The following LRBA variants were observed in gnomAD, a reference collection of about 807,000 sequenced individuals.
The protein encoded by LRBA is LPS responsive beige-like anchor protein, also known as lipopolysaccharide-responsive and beige-like anchor protein.
Under a neutral mutation model 330.0 loss-of-function variants are expected in LRBA, and 176 were observed. The ratio of observed to expected loss-of-function variants is 0.53; its 90% CI spans 0.47 to 0.60. LRBA has a LOEUF of 0.60. LRBA is among the 20% of genes least tolerant of loss of function. The pLI is 0.00. For missense variants in LRBA, 3,259 were observed against 3,444.8 expected (o/e 0.95, Z 1.35); for synonymous variants, 1,230 against 1,193.0 (o/e 1.03, Z -0.64).
At position 150,595,181 on chromosome 4, in the gene LRBA, A is replaced by G. The variant is rs534341988; in HGVS notation, c.6046+3826T>C. Reference sequence around the variant, plus strand: ...CTATTGTTCTAATTGATTCCCCTCTATAGTTTATGCCATGTCCATAGCATT... The same window carrying G: ...CTATTGTTCTAATTGATTCCCCTCTGTAGTTTATGCCATGTCCATAGCATT... On this transcript the variant is annotated intron_variant, in intron 38 of 56. Coordinates refer to ENST00000651943, the MANE Select transcript of LRBA (RefSeq NM_001364905.1). 2.0e-5 allele frequency among the ~76,000 whole-genome samples: 3 copies of G among 151,412 alleles called. No homozygotes were observed. In the South Asian group the frequency reaches 6.3e-4, roughly 32 times the overall value.
chr4:150,571,649 G>GTCTTT (rs1769856159), intron 40 of LRBA, among the ~76,000 whole-genome samples: 1 of 74,592 alleles, frequency 1.3e-5, no homozygotes, highest in African/African-American at 4.5e-5. Context: ...CTGGTTAGTT[G>GTCTTT]TTTTTTTTTT....
intron 37 of LRBA, among the ~76,000 whole-genome samples, chr4:150,664,301 G>A (rs1232374742): frequency 1.3e-5 from 2 of 152,188 alleles, no homozygotes; most frequent in Non-Finnish European, 2.9e-5. Flanking sequence ...ATAAACAATG[G>A]AAAGCTGTTC....
At chr4:150,750,689 TC>T (rs1446480493) in intron 35 of LRBA, among the ~76,000 whole-genome samples, 5 of 152,026 alleles carry the variant, frequency 3.3e-5, no homozygotes. Context: ...CATCTTAGTC[TC>T]CCAAAGTGCT....
chr4:150,561,001 G>C (rs745719889), intron 40 of LRBA, among the ~76,000 whole-genome samples: 1 of 151,864 alleles, frequency 6.6e-6, no homozygotes, highest in South Asian at 2.1e-4. Flanking sequence ...AAAGAAAAAG[G>C]TTACTATCAG....
intron 36 of LRBA, among the ~76,000 whole-genome samples, chr4:150,727,183 C>T (rs573880547): frequency 2.5e-4 from 37 of 145,846 alleles, no homozygotes; most frequent in Non-Finnish European, 2.1e-4. Flanking sequence ...AAGCAATTCT[C>T]CTACCTCAGC....
At position 150,697,325 on chromosome 4, in the gene LRBA, G is replaced by GAAAAAAAAAAAAAA. The variant is rs60145657; in HGVS notation, c.5755-13622_5755-13609dup. Among the ~76,000 whole-genome samples the GAAAAAAAAAAAAAA allele has an allele frequency of 2.6e-3, 73 of 28,048 alleles. 18 individuals are homozygous for GAAAAAAAAAAAAAA. Among genetic ancestry groups the GAAAAAAAAAAAAAA allele is most frequent in the African/African-American group, 6.2e-3 (47 of 7,596 alleles). 18.4% of individuals were successfully genotyped at this position (28,048 alleles called of 152,430 possible). ...GGTGACAGAGTGAGACTTTGTCTCAGAAAAAAAAAAAAAAAAAAAAAAAAA... is the reference window on the plus strand; with the variant it reads ...GGTGACAGAGTGAGACTTTGTCTCAGAAAAAAAAAAAAAAAAAAAAAAAAAAAAAAAAAAAAAAA... On this transcript the variant is annotated intron_variant, in intron 36 of 56. Transcript: ENST00000651943.
intron 29 of LRBA, among the ~76,000 whole-genome samples, chr4:150,830,922 C>A (rs1747082772): frequency 6.6e-6 from 1 of 151,884 alleles, no homozygotes; most frequent in Non-Finnish European, 1.5e-5. Context: ...CACCACCATG[C>A]CTGGCTAATT....
chr4:150,998,428 G>A (rs1014651518), intron 2 of LRBA, among the ~76,000 whole-genome samples: 7 of 151,554 alleles, frequency 4.6e-5, no homozygotes, highest in Non-Finnish European at 5.9e-5. Flanking sequence ...ATCATAGTTC[G>A]CTACAGTCTC....
At chr4:150,450,794 G>A (rs548925721) in intron 44 of LRBA, among the ~76,000 whole-genome samples, 6 of 152,214 alleles carry the variant, frequency 3.9e-5, no homozygotes, top group African/African-American at 1.4e-4. Context: ...TAGCACTTTG[G>A]GAGGCCAAGG....
At chr4:150,505,393 G>C (rs558166979) in intron 40 of LRBA, among the ~76,000 whole-genome samples, 1 of 152,158 alleles carries the variant, frequency 6.6e-6, no homozygotes, top group African/African-American at 2.4e-5. Context: ...TCAGACCACA[G>C]TGCAATCAAA....
At chr4:150,844,039 T>C (rs1749482237) in intron 28 of LRBA, 61 bp downstream of exon 28, 2 of 1,014,710 alleles carry the variant, frequency 2.0e-6, no homozygotes, top group African/African-American at 3.1e-5. Context: ...CTCAATACAT[T>C]AGGCCTAAGA....
chr4:150,650,669 TTTGAA>T (rs1356835599), intron 37 of LRBA, among the ~76,000 whole-genome samples: 1 of 152,156 alleles, frequency 6.6e-6, no homozygotes, highest in African/African-American at 2.4e-5. Flanking sequence ...ACTGTTAATA[TTTGAA>T]TTGAAGTTTA....
intron 40 of LRBA, among the ~76,000 whole-genome samples, chr4:150,492,175 GAA>G (rs34558110): frequency 1.5e-5 from 2 of 135,458 alleles, no homozygotes; most frequent in Non-Finnish European, 3.1e-5. Context: ...TAGTTTTTTT[GAA>G]AAAAAAAAAA....
intron 47 of LRBA, among the ~76,000 whole-genome samples, chr4:150,369,300 T>C (rs1490525114): frequency 6.6e-6 from 1 of 152,162 alleles, no homozygotes; most frequent in African/African-American, 2.4e-5. Flanking sequence ...TCAAATGTTA[T>C]AAAATAATCT....
At position 150,779,526 on chromosome 4, in the gene LRBA, C is replaced by T. The variant is rs573135272; in HGVS notation, c.5581-17679G>A. 1.4e-4 allele frequency among the ~76,000 whole-genome samples: 21 copies of T among 151,852 alleles called. 1 individual carries two copies. In the South Asian group the frequency reaches 4.2e-3, roughly 30 times the overall value. On this transcript the variant is annotated intron_variant, in intron 34 of 56. Coordinates refer to ENST00000651943, the MANE Select transcript of LRBA (RefSeq NM_001364905.1). Reference sequence around the variant, plus strand: ...GATAAGGAGGAGTTCAAAGAAATCTCATATATTTACTGTCAGAATTTTGAA... The same window carrying T: ...GATAAGGAGGAGTTCAAAGAAATCTTATATATTTACTGTCAGAATTTTGAA...
intron 36 of LRBA, among the ~76,000 whole-genome samples, chr4:150,701,104 T>C (rs1785078015): frequency 6.6e-6 from 1 of 152,176 alleles, no homozygotes; most frequent in Admixed American, 6.5e-5. Flanking sequence ...TGTTAAAAAG[T>C]GAGACACAAA....
chr4:150,910,355 G>A (rs534598078), intron 9 of LRBA, among the ~76,000 whole-genome samples: 3 of 152,198 alleles, frequency 2.0e-5, no homozygotes, highest in East Asian at 1.9e-4. Context: ...TATGAATTAA[G>A]TATAAAACTT....
At chr4:150,379,843 G>A (rs1392476364) in intron 47 of LRBA, among the ~76,000 whole-genome samples, 1 of 151,982 alleles carries the variant, frequency 6.6e-6, no homozygotes, top group Non-Finnish European at 1.5e-5. Flanking sequence ...AGCAAACCAT[G>A]AACTCCATAC....
intron 35 of LRBA, among the ~76,000 whole-genome samples, chr4:150,755,993 A>G (rs139374653): frequency 3.4e-4 from 51 of 151,394 alleles, no homozygotes; most frequent in African/African-American, 1.1e-3. Flanking sequence ...CTGAAGTGAG[A>G]TGAGATGGTG....
Sources: gnomAD v4.1 joint callset for allele counts (sites outside exome capture counted in the v4.1 genomes callset) on GRCh38, gnomAD v4.1.1 for gene constraint, MANE v1.5 for transcripts, NCBI Gene and HGNC (gene_info 2026-07-23, HGNC 2026-07-21) for gene names.